GLA: variants seen among roughly 807,000 people sequenced by gnomAD.
The protein encoded by GLA is alpha-galactosidase A.
GLA carries 4 observed loss-of-function variants against 28.2 expected under a neutral mutation model. That is an observed-to-expected ratio of 0.14 (90% CI 0.07 to 0.32). The LOEUF is 0.32. Ranked by LOEUF, GLA falls within the 10% of genes least tolerant of loss-of-function variation. The pLI, the probability that GLA is intolerant of heterozygous loss-of-function variation, is 1.00. For synonymous variants in GLA, 94 were observed against 113.0 expected, an observed-to-expected ratio of 0.83 and a Z score of 1.07; for missense variants, 203 against 323.7, an observed-to-expected ratio of 0.63 and a Z score of 2.86.
At chrX:101,398,303 A>AT (rs1928152832) in intron 6 of GLA, 67 bp downstream of exon 6, 1 of 890,983 alleles carries the variant, frequency 1.1e-6, no homozygotes, top group Non-Finnish European at 1.6e-6. Flanking sequence ...AAAAAAATAG[A>AT]TTTAGGCCCA....
chrX:101,397,957 G>A lies in GLA; in HGVS notation c.1142C>T (p.Ala381Val). 8.3e-7 allele frequency: 1 copy of A among 1,211,298 alleles called. No individual in the cohort carries two copies. The highest frequency in any genetic ancestry group is 1.1e-6 in the Non-Finnish European group (1 of 895,006). ...SLGKGVACNP[A>V]CFITQLLPVK... Reference sequence around the variant, plus strand: ...AGGGAGGAGCTGTGTGATGAAGCAGGCAGGATTACAGGCCACTCCTTTACC... The same window carrying A: ...AGGGAGGAGCTGTGTGATGAAGCAGACAGGATTACAGGCCACTCCTTTACC... Residue 381 changes from alanine to valine, a missense_variant, in exon 7 of 7, where the codon GCC (alanine) becomes GTC (valine). Transcript: ENST00000218516.
chrX:101,405,748 C>T (rs976046309), intron 1 of GLA, among the ~76,000 whole-genome samples: 7 of 109,663 alleles, frequency 6.4e-5, no homozygotes, highest in African/African-American at 2.3e-4. Context: ...TGGTGAAACC[C>T]GTCTCTACTG....
chrX:101,407,344 C>T (rs1555986989), intron 1 of GLA, among the ~76,000 whole-genome samples: 1 of 111,612 alleles, frequency 9.0e-6, no homozygotes, highest in African/African-American at 3.3e-5. Flanking sequence ...GGCAGGGCTA[C>T]TTTGGGCACA....
rs1319906430 is a variant in GLA, at chrX:101,401,890, G to A, written c.370-81C>T. ...CAGAAAGAGAGAACCATTCCAGGCT[G>A]GGGGAAGAGACAAGGTTACTTCACC... On this transcript the variant is annotated intron_variant, in intron 2 of 6. Transcript: ENST00000218516. 66 of 738,704 alleles carry A rather than the reference G, an allele frequency of 8.9e-5. No homozygotes were observed. In the East Asian group the frequency reaches 1.4e-3, roughly 16 times the overall value. 60.9% of individuals were successfully genotyped at this position (738,704 alleles called of 1,213,427 possible).
chrX:101,401,001 A>C (rs1928295155), intron 3 of GLA: 1 of 244,278 alleles, frequency 4.1e-6, no homozygotes, highest in Admixed American at 6.1e-5. Flanking sequence ...AAAGTCAGCT[A>C]ATTTTTGTAT....
Position 101,398,774 on chromosome X carries a change from C to G in GLA, c.801+11G>C. The G allele has an allele frequency of 8.3e-7, 1 of 1,209,018 alleles. No individual in the cohort carries two copies. ...CGCAGGGTCTTGAACAAGGAGGGCTCAAGTTTTTACCATATCTGGGTCATT... is the reference window on the plus strand; with the variant it reads ...CGCAGGGTCTTGAACAAGGAGGGCTGAAGTTTTTACCATATCTGGGTCATT... On this transcript the variant is annotated intron_variant, in intron 5 of 6. Coordinates refer to ENST00000218516, the MANE Select transcript of GLA (RefSeq NM_000169.3).
intron 1 of GLA, among the ~76,000 whole-genome samples, chrX:101,404,272 A>G (rs1355353960): frequency 1.8e-5 from 2 of 112,236 alleles, no homozygotes; most frequent in African/African-American, 6.5e-5. Flanking sequence ...AAAGTCAGAA[A>G]CTACAAAGTT....
At chrX:101,400,214 T>TAA (rs782361132) in intron 4 of GLA, among the ~76,000 whole-genome samples, 1 of 107,424 alleles carries the variant, frequency 9.3e-6, no homozygotes, top group African/African-American at 3.4e-5. Context: ...TTTTTTTCTT[T>TAA]AAAAAAAAAA....
chrX:101,401,615 C>G lies in GLA; in HGVS notation c.547+17G>C. The stretch of plus-strand genomic sequence containing the variant: ...AGTTCTTTCCTTTGTGGCTAAATCT[C>G]TGGAATGAAACATTACCATCTGCCA... On this transcript the variant is annotated intron_variant, in intron 3 of 6. Coordinates refer to ENST00000218516, the MANE Select transcript of GLA (RefSeq NM_000169.3). The G allele has an allele frequency of 8.3e-7, 1 of 1,199,534 alleles. No homozygotes were observed. The highest frequency in any genetic ancestry group is 1.1e-6 in the Non-Finnish European group (1 of 884,360).
At chrX:101,398,235 ATAAAG>A (rs781793999) in intron 6 of GLA, 130 bp downstream of exon 6, 58 of 776,290 alleles carry the variant, frequency 7.5e-5, no homozygotes, top group Middle Eastern at 4.1e-4. Context: ...TATTTTGGAA[ATAAAG>A]TAATGTTTCT....
chrX:101,398,957 A>G lies in GLA; in HGVS notation c.640-11T>C, dbSNP rs782634293. 2 of 1,188,786 alleles carry G rather than the reference A, an allele frequency of 1.7e-6. No homozygotes were observed. Among genetic ancestry groups the G allele is most frequent in the Non-Finnish European group, 2.3e-6 (2 of 876,677 alleles). On this transcript the variant is annotated splice_polypyrimidine_tract_variant and intron_variant, in intron 4 of 6. Coordinates refer to ENST00000218516, the MANE Select transcript of GLA (RefSeq NM_000169.3). ...TTCTGTATAATTGGGCTGTGAAAAC[A>G]GATATGACTCTTCTGTTTACTTTCT... is the stretch of plus-strand genomic sequence containing the variant.
chrX:101,404,061 G>A (rs1278589437), intron 1 of GLA, 76 bp from the exon 2 acceptor site: 2 of 931,049 alleles, frequency 2.1e-6, no homozygotes, highest in African/African-American at 3.8e-5. Context: ...TAGGCACCTT[G>A]GGATTTCACA....
At chrX:101,404,182 C>G (rs1555986378) in intron 1 of GLA, among the ~76,000 whole-genome samples, 197 bp from the exon 2 acceptor site, 1 of 111,897 alleles carries the variant, frequency 8.9e-6, no homozygotes, top group African/African-American at 3.3e-5. Flanking sequence ...TATTCCCGCC[C>G]TAAAAACCCC....
chrX:101,401,853 A>G (rs782755334), intron 2 of GLA, 44 bp from the exon 3 acceptor site: 12 of 1,098,721 alleles, frequency 1.1e-5, no homozygotes, highest in Admixed American at 4.4e-5. Context: ...TAGAAGCACA[A>G]TCGTGAGGTA....
intron 6 of GLA, 67 bp from the exon 7 acceptor site, chrX:101,398,166 ATTCT>A (rs1928148389): frequency 1.0e-5 from 10 of 993,324 alleles, no homozygotes. Flanking sequence ...TTTGGCATTC[ATTCT>A]TAATGTCAGA....
intron 4 of GLA, among the ~76,000 whole-genome samples, chrX:101,399,374 C>T (rs1350040382): frequency 1.8e-5 from 2 of 112,181 alleles, no homozygotes; most frequent in Non-Finnish European, 3.8e-5. Flanking sequence ...CGAGACAAGC[C>T]TGGCCAACAT....
rs1321550289 is a variant in GLA at position 101,401,882 on chromosome X, TCCAGG to T, written c.370-78_370-74del. ...TGAGGTAGCAGAAAGAGAGAACCAT[TCCAGG>T]CTGGGGGAAGAGACAAGGTTACTTC... On this transcript the variant is annotated intron_variant, in intron 2 of 6. Transcript: ENST00000218516. 41 of 986,699 alleles carry T rather than the reference TCCAGG, an allele frequency of 4.2e-5. No individual in the cohort carries two copies. The East Asian group carries it at 1.3e-3, about 30-fold the overall frequency. The allele number at this position is 986,699 out of a possible 1,213,427, so 81.3% of individuals were successfully genotyped here.
chrX:101,401,277 G>A (rs1555985708), intron 3 of GLA: 7 of 282,373 alleles, frequency 2.5e-5, no homozygotes, highest in Non-Finnish European at 3.9e-5. Context: ...TGCAGAGATG[G>A]TGTGTATATT....
chrX:101,402,181 G>T (rs935593516), intron 2 of GLA, among the ~76,000 whole-genome samples: 1 of 111,998 alleles, frequency 8.9e-6, no homozygotes, highest in East Asian at 2.8e-4. Flanking sequence ...CCTTCTTTTC[G>T]ACTAGACCTC....
Sources: allele counts gnomAD v4.1 joint callset (sites outside exome capture counted in the v4.1 genomes callset), GRCh38; gene constraint gnomAD v4.1.1; transcripts MANE v1.5; gene names NCBI Gene and HGNC (gene_info 2026-07-23, HGNC 2026-07-21).